ABCB9: variants seen among roughly 807,000 people sequenced by gnomAD.
ABCB9 encodes ATP binding cassette subfamily B member 9, also known as ABC-type oligopeptide transporter ABCB9.
ABCB9 carries 36 observed loss-of-function variants against 62.0 expected under a neutral mutation model. That is an observed-to-expected ratio of 0.58 (90% CI 0.45 to 0.77). The LOEUF (loss-of-function observed/expected upper bound fraction) is 0.77. Ranked by LOEUF, ABCB9 falls within the 30% of genes least tolerant of loss-of-function variation. The pLI is 0.00. For missense variants in ABCB9, 943 were observed against 1,054.7 expected (o/e 0.89, Z 1.47); for synonymous variants, 435 against 461.4 (o/e 0.94, Z 0.73).
At chr12:122,926,932 C>G (rs2034923338), downstream of ABCB9, among the ~76,000 whole-genome samples, 1 of 152,042 alleles carries the variant, frequency 6.6e-6, no homozygotes, top group South Asian at 2.1e-4. Flanking sequence ...CAAAAACACT[C>G]CTATCTTAAA....
At chr12:122,957,399 T>G (rs1232703013) in intron 2 of ABCB9, among the ~76,000 whole-genome samples, 1 of 152,118 alleles carries the variant, frequency 6.6e-6, no homozygotes, top group African/African-American at 2.4e-5. Context: ...CAATCCTTGT[T>G]GCACAGAGGA....
At chr12:122,921,574 C>T (rs1234423291) in intron 11 of ABCB9, among the ~76,000 whole-genome samples, 1 of 152,070 alleles carries the variant, frequency 6.6e-6, no homozygotes, top group Admixed American at 6.6e-5. Flanking sequence ...GTCAGGAGTT[C>T]GAGACCAGCC....
At position 122,940,979 on chromosome 12, in the gene ABCB9, T is replaced by C. The variant is rs978100167; in HGVS notation, c.1397A>G (p.Tyr466Cys). 2 of 1,606,724 alleles carry C rather than the reference T, an allele frequency of 1.2e-6. No individual in the cohort carries two copies. The highest frequency in any genetic ancestry group is 1.7e-6 in the Non-Finnish European group (2 of 1,174,936). Residue 466 changes from tyrosine (Y) to cysteine (C), a missense_variant, in exon 8 of 12, where the codon TAC becomes TGC. Physicochemically the swap from Tyr to Cys is radical, Grantham distance 194 (BLOSUM62 -2). Transcript: ENST00000280560. The surrounding 1 kb of genome is among the most constrained non-coding windows in gnomAD (Gnocchi z 4.8). ...GDCMESVGSVYSGLMQGVGAA... is the reference protein window; with the variant it reads ...GDCMESVGSVCSGLMQGVGAA... ...CCCCACTCCCTGCATCAGGCCACTG[T>C]AGACGGAGCCCACGGACTGGGGAGA...
chr12:122,928,115 T>A (rs2034958722), downstream of ABCB9, among the ~76,000 whole-genome samples: 1 of 152,016 alleles, frequency 6.6e-6, no homozygotes, highest in South Asian at 2.1e-4. Context: ...GACCGCTAGA[T>A]GAGATCAGCC....
In ABCB9 at chr12:122,940,338, G is replaced by A. The variant is rs551738778; in HGVS notation, c.1570-54C>T. ...GGTTATCGGCTCAGGTCCCAGGACT[G>A]GATGCCCTGACCTTGGACACAGGTG... On this transcript the variant is annotated intron_variant, in intron 8 of 11. Transcript: ENST00000280560. This position sits in a 1 kb window ranked among gnomAD's most constrained non-coding sequence, Gnocchi z 4.8. 9.9e-6 allele frequency: 15 copies of A among 1,511,592 alleles called. No individual in the cohort carries two copies. In the South Asian group the frequency reaches 2.0e-4, roughly 20 times the overall value. 93.6% of individuals were successfully genotyped at this position (1,511,592 alleles called of 1,614,324 possible).
chr12:122,919,994 C>T (rs1387247300), downstream of ABCB9, among the ~76,000 whole-genome samples: 2 of 151,934 alleles, frequency 1.3e-5, no homozygotes, highest in East Asian at 3.9e-4. Flanking sequence ...GCCACCTCTG[C>T]CTCCCGGGTT....
rs559309016 is a variant in ABCB9 at position 122,936,008 on chromosome 12, C to A, written c.1744-577G>T. ...ATGGCTTTAGTCTAGGAGTTCAAGACCAGCCTGGGCAACACAGAAAGACCC... is the reference window on the plus strand; with the variant it reads ...ATGGCTTTAGTCTAGGAGTTCAAGAACAGCCTGGGCAACACAGAAAGACCC... On this transcript the variant is annotated intron_variant, in intron 9 of 11. Transcript: ENST00000280560. Among the ~76,000 whole-genome samples the A allele has an allele frequency of 3.4e-4, 51 of 152,138 alleles. No individual in the cohort carries two copies. The South Asian group carries it at 1.0e-2, about 30-fold the overall frequency.
chr12:122,944,519 G>A lies in ABCB9; in HGVS notation c.1252C>T (p.Leu418Phe). The A allele has an allele frequency of 4.3e-6, 7 of 1,613,684 alleles. No individual in the cohort carries two copies. Among genetic ancestry groups the A allele is most frequent in the East Asian group, 2.2e-5 (1 of 44,864 alleles). ...CTGACCTGGACCACCAGCAGTGTGAGCTGGGGCAGAGGGAGAGGGGATGTG... is the reference window on the plus strand; with the variant it reads ...CTGACCTGGACCACCAGCAGTGTGAACTGGGGCAGAGGGAGAGGGGATGTG... Reference protein sequence around the residue: ...AYMYYVWGSGLTLLVVQVSIL... With the variant: ...AYMYYVWGSGFTLLVVQVSIL... The change falls in exon 7 of 12, where the codon CTC (leucine) becomes TTC (phenylalanine). Residue 418 changes from leucine (L) to phenylalanine (F), a missense_variant and splice_region_variant. Transcript: ENST00000280560. This position sits in a 1 kb window ranked among gnomAD's most constrained non-coding sequence, Gnocchi z 4.9.
chr12:122,927,101 T>C (rs1435738874), downstream of ABCB9, among the ~76,000 whole-genome samples: 1 of 151,970 alleles, frequency 6.6e-6, no homozygotes, highest in Non-Finnish European at 1.5e-5. Flanking sequence ...AGAGAAACTG[T>C]GAGGGGTGGG....
intron 2 of ABCB9, among the ~76,000 whole-genome samples, chr12:122,955,734 C>T (rs370099145): frequency 1.0e-4 from 15 of 146,428 alleles, no homozygotes; most frequent in African/African-American, 2.6e-4. Context: ...TTTTTTGAGA[C>T]GGAGTCTCAC....
At chr12:122,969,732 C>CAAA (rs58746093), upstream of ABCB9, among the ~76,000 whole-genome samples, 3 of 90,910 alleles carry the variant, frequency 3.3e-5, no homozygotes, top group Non-Finnish European at 4.8e-5. Context: ...GACCCTGTCT[C>CAAA]AAAAAAAAAA....
chr12:122,965,677 C>T (rs1261715811), intron 1 of ABCB9, among the ~76,000 whole-genome samples: 1 of 152,162 alleles, frequency 6.6e-6, no homozygotes, highest in Non-Finnish European at 1.5e-5. Flanking sequence ...GGCGGGGATC[C>T]TGTCAGCCCA....
downstream of ABCB9, among the ~76,000 whole-genome samples, chr12:122,924,963 C>T (rs559653765): frequency 1.1e-4 from 16 of 152,268 alleles, no homozygotes; most frequent in African/African-American, 3.1e-4. Flanking sequence ...GTCACCCAGG[C>T]TGGAGTGCAG....
At chr12:122,922,521 A>C (rs1013088542) in intron 11 of ABCB9, among the ~76,000 whole-genome samples, 8 of 151,944 alleles carry the variant, frequency 5.3e-5, no homozygotes, top group Non-Finnish European at 1.2e-4. Context: ...CTGGGACTAC[A>C]GGCATGTGCC....
downstream of ABCB9, chr12:122,924,725 T>C (rs1311832413): frequency 6.5e-7 from 1 of 1,532,622 alleles, no homozygotes; most frequent in South Asian, 1.2e-5. Flanking sequence ...TCATCCCTGC[T>C]TGTTTTCCTC....
intron 6 of ABCB9, among the ~76,000 whole-genome samples, chr12:122,945,154 T>C (rs1024809175): frequency 6.6e-6 from 1 of 152,210 alleles, no homozygotes; most frequent in Non-Finnish European, 1.5e-5. Flanking sequence ...CTCAGCTAGC[T>C]GAGCTGGACC....
intron 7 of ABCB9, among the ~76,000 whole-genome samples, chr12:122,942,618 CAAA>C (rs549481027): frequency 2.0e-5 from 1 of 50,792 alleles, no homozygotes. Flanking sequence ...GACTCCATCT[CAAA>C]AAAAAAAAAA....
chr12:122,935,675 G>A (rs2035424303), intron 9 of ABCB9, among the ~76,000 whole-genome samples: 1 of 152,156 alleles, frequency 6.6e-6, no homozygotes, highest in Non-Finnish European at 1.5e-5. Flanking sequence ...TCTGGGATAA[G>A]CCAAGTTCCC....
chr12:122,921,855 G>A (rs146912846), intron 11 of ABCB9, among the ~76,000 whole-genome samples: 4 of 152,172 alleles, frequency 2.6e-5, no homozygotes, highest in East Asian at 1.9e-4. Flanking sequence ...AAAATTGTCC[G>A]TATTATTATT....
Sources: allele counts gnomAD v4.1 joint callset (sites outside exome capture counted in the v4.1 genomes callset), GRCh38; gene constraint gnomAD v4.1.1; non-coding constraint Gnocchi (gnomAD v3.1); transcripts MANE v1.5; gene names NCBI Gene and HGNC (gene_info 2026-07-23, HGNC 2026-07-21).